The following KHDRBS2 variants were observed in gnomAD, a reference collection of about 807,000 sequenced individuals.
KHDRBS2 encodes the protein KH RNA binding domain containing, signal transduction associated 2, also known as KH domain-containing, RNA-binding, signal transduction-associated protein 2.
KHDRBS2 carries 26 observed loss-of-function variants against 44.3 expected under a neutral mutation model. The ratio of observed to expected loss-of-function variants is 0.59; its 90% CI spans 0.43 to 0.81. KHDRBS2 has a LOEUF of 0.81. Ranked by LOEUF, KHDRBS2 falls within the 40% of genes least tolerant of loss-of-function variation. KHDRBS2 has a pLI of 0.00. For synonymous variants in KHDRBS2, 194 were observed against 151.1 expected (o/e 1.28, Z -2.08); for missense variants, 476 against 433.1 (o/e 1.10, Z -0.88).
intron 6 of KHDRBS2, among the ~76,000 whole-genome samples, chr6:61,800,678 G>C (rs1417848191): frequency 6.6e-6 from 1 of 151,976 alleles, no homozygotes; most frequent in Non-Finnish European, 1.5e-5. Flanking sequence ...TTGCAGGCAG[G>C]GGACATAGCC....
intron 6 of KHDRBS2, among the ~76,000 whole-genome samples, chr6:61,871,808 G>T (rs1798699449): frequency 6.6e-6 from 1 of 152,184 alleles, no homozygotes; most frequent in Non-Finnish European, 1.5e-5. Flanking sequence ...CAAATGAGGA[G>T]AGATTTTGTC....
At chr6:62,230,273 GAAATTAAATGACAAA>G (rs1349097755) in intron 1 of KHDRBS2, among the ~76,000 whole-genome samples, 1 of 152,112 alleles carries the variant, frequency 6.6e-6, no homozygotes, top group Non-Finnish European at 1.5e-5. Context: ...TATTTAGCAG[GAAATTAAATGACAAA>G]TATGACAGAA....
At chr6:62,207,700 T>C (rs1357910795) in intron 1 of KHDRBS2, among the ~76,000 whole-genome samples, 1 of 152,202 alleles carries the variant, frequency 6.6e-6, no homozygotes, top group African/African-American at 2.4e-5. Context: ...TTGATTGTCA[T>C]ATGGCTAAAC....
At chr6:61,886,608 C>T (rs757002292) in intron 6 of KHDRBS2, among the ~76,000 whole-genome samples, 3 of 151,924 alleles carry the variant, frequency 2.0e-5, no homozygotes, top group Non-Finnish European at 4.4e-5. Flanking sequence ...ACCTTTTCCC[C>T]CAAATATCAT....
chr6:61,825,999 T>C (rs1330561419), intron 6 of KHDRBS2, among the ~76,000 whole-genome samples: 1 of 152,212 alleles, frequency 6.6e-6, no homozygotes, highest in Non-Finnish European at 1.5e-5. Flanking sequence ...ATGATTTCTC[T>C]GTCTTGGAGG....
rs140843555 is a variant in KHDRBS2 at position 61,747,660 on chromosome 6, C to T, written c.811-14896G>A. On this transcript the variant is annotated intron_variant, in intron 6 of 8. Transcript: ENST00000281156. ...TGGCTATTTTTCTATCATATGGTAC[C>T]GAATGTTACAAAAATTCCTTTGTTA... Among the ~76,000 whole-genome samples the T allele has an allele frequency of 2.2e-3, 342 of 152,030 alleles. 4 individuals are homozygous for T. Among genetic ancestry groups the T allele is most frequent in the Admixed American group, 0.017 (260 of 15,268 alleles).
In KHDRBS2 at chr6:61,747,366, T is replaced by C. The variant is rs147620653; in HGVS notation, c.811-14602A>G. Among the ~76,000 whole-genome samples, 371 of 152,310 alleles carry C rather than the reference T, an allele frequency of 2.4e-3. 3 individuals carry two copies. Among genetic ancestry groups the C allele is most frequent in the African/African-American group, 8.6e-3 (359 of 41,568 alleles). ...TGTTGGTTGTTCAAAAGGAATTTTGTAGCTTTTAAACAAGAGCACGATGAC... is the reference window on the plus strand; with the variant it reads ...TGTTGGTTGTTCAAAAGGAATTTTGCAGCTTTTAAACAAGAGCACGATGAC... On this transcript the variant is annotated intron_variant, in intron 6 of 8. Transcript: ENST00000281156.
chr6:61,608,573 T>A, the KHDRBS2 span, among the ~76,000 whole-genome samples: 2 of 152,122 alleles, frequency 1.3e-5, no homozygotes. Context: ...TCCCTCCTAA[T>A]GTTATCCCTC....
chr6:62,000,246 G>T (rs1038534831), intron 3 of KHDRBS2, among the ~76,000 whole-genome samples: 1 of 152,054 alleles, frequency 6.6e-6, no homozygotes, highest in African/African-American at 2.4e-5. Flanking sequence ...CCAGTGATAG[G>T]CAGATATGCA....
chr6:62,147,634 A>G (rs1255567277), intron 2 of KHDRBS2, among the ~76,000 whole-genome samples: 1 of 151,994 alleles, frequency 6.6e-6, no homozygotes, highest in Non-Finnish European at 1.5e-5. Context: ...AAAATCCTAG[A>G]AATTGCCAAC....
intron 1 of KHDRBS2, among the ~76,000 whole-genome samples, chr6:62,258,160 T>C (rs1287980967): frequency 6.6e-6 from 1 of 152,008 alleles, no homozygotes; most frequent in Non-Finnish European, 1.5e-5. Context: ...TTTACTGTTC[T>C]AGGTGAGAAG....
the KHDRBS2 span, among the ~76,000 whole-genome samples, chr6:61,669,496 G>A: frequency 2.7e-5 from 4 of 150,602 alleles, no homozygotes; most frequent in East Asian, 3.9e-4. Context: ...ATATTTTAAA[G>A]AGAACATTAT....
chr6:61,694,051 A>G (rs953327021), intron 8 of KHDRBS2, among the ~76,000 whole-genome samples: 36 of 152,178 alleles, frequency 2.4e-4, no homozygotes, highest in African/African-American at 8.0e-4. Context: ...ATCTCAGTGC[A>G]TGTAATTCTG....
At chr6:62,025,991 G>A (rs914473458) in intron 3 of KHDRBS2, among the ~76,000 whole-genome samples, 17 of 152,080 alleles carry the variant, frequency 1.1e-4, no homozygotes, top group Middle Eastern at 3.4e-3. Context: ...TCAATTCAAT[G>A]AATTTATTAA....
intron 8 of KHDRBS2, among the ~76,000 whole-genome samples, chr6:61,689,417 C>T (rs1767150387): frequency 6.6e-6 from 1 of 151,934 alleles, no homozygotes; most frequent in Non-Finnish European, 1.5e-5. Flanking sequence ...CCTGGAGTCC[C>T]CCAAACTTGT....
At chr6:61,673,840 C>T in the KHDRBS2 span, among the ~76,000 whole-genome samples, 1 of 143,948 alleles carries the variant, frequency 6.9e-6, no homozygotes, top group Non-Finnish European at 1.5e-5. Flanking sequence ...GTGAAAATGG[C>T]CATACTGCCC....
intron 7 of KHDRBS2, among the ~76,000 whole-genome samples, chr6:61,721,176 C>A (rs1418174775): frequency 6.6e-6 from 1 of 152,138 alleles, no homozygotes; most frequent in East Asian, 1.9e-4. Context: ...GTTTTGGTTA[C>A]TGTAGCCTTG....
chr6:62,192,631 G>A (rs1824860353), intron 1 of KHDRBS2, among the ~76,000 whole-genome samples: 1 of 152,038 alleles, frequency 6.6e-6, no homozygotes, highest in African/African-American at 2.4e-5. Context: ...ATATAGAGGT[G>A]GGCCATTATT....
At chr6:61,697,064 C>T (rs947752099) in intron 8 of KHDRBS2, 131 bp downstream of exon 8, 1 of 712,366 alleles carries the variant, frequency 1.4e-6, no homozygotes, top group African/African-American at 1.8e-5. Context: ...AAATCTCACC[C>T]TGGAATTACA....
Sources: allele counts gnomAD v4.1 joint callset (sites outside exome capture counted in the v4.1 genomes callset), GRCh38; gene constraint gnomAD v4.1.1; transcripts MANE v1.5; gene names NCBI Gene and HGNC (gene_info 2026-07-23, HGNC 2026-07-21).